Variants in AGTPBP1 observed in about 807,000 individuals in gnomAD.
AGTPBP1 encodes ATP/GTP binding carboxypeptidase 1.
AGTPBP1 carries 70 observed loss-of-function variants against 143.9 expected under a neutral mutation model. The observed-to-expected ratio is 0.49, with a 90% CI of 0.40 to 0.59. AGTPBP1 has a LOEUF of 0.59. Among genes scored for constraint, AGTPBP1 ranks in the 20% least tolerant of loss-of-function variants. The pLI is 0.00. For synonymous variants in AGTPBP1, 463 were observed against 500.2 expected, an observed-to-expected ratio of 0.93 and a Z score of 0.99; for missense variants, 1,229 against 1,464.5, an observed-to-expected ratio of 0.84 and a Z score of 2.62.
At chr9:85,801,667 G>A in the AGTPBP1 span, among the ~76,000 whole-genome samples, 2 of 152,124 alleles carry the variant, frequency 1.3e-5, no homozygotes, top group Non-Finnish European at 2.9e-5. Context: ...AGTTACCATC[G>A]TAATTTGAGA....
the AGTPBP1 span, among the ~76,000 whole-genome samples, chr9:85,790,123 A>G: frequency 6.6e-6 from 1 of 152,200 alleles, no homozygotes; most frequent in African/African-American, 2.4e-5. Flanking sequence ...CTTGATTAAC[A>G]CTGATAATAT....
rs140994776 is a variant in AGTPBP1 at position 85,676,506 on chromosome 9, T to C, written c.436+930A>G. The stretch of plus-strand genomic sequence containing the variant: ...AAATCAAAATCATAATGAGATACCA[T>C]CTCATCCCAGTTAAAACAGCTGTTA... On this transcript the variant is annotated intron_variant, in intron 6 of 25. Transcript: ENST00000357081. Among the ~76,000 whole-genome samples the C allele has an allele frequency of 1.1e-4, 16 of 151,680 alleles. No homozygotes were observed. The East Asian group carries it at 2.9e-3, about 28-fold the overall frequency.
chr9:85,603,356 G>A (rs1300980731), intron 17 of AGTPBP1, among the ~76,000 whole-genome samples: 1 of 152,304 alleles, frequency 6.6e-6, no homozygotes, highest in East Asian at 1.9e-4. Flanking sequence ...GCAGAGTCCT[G>A]AGGCCACCAT....
chr9:85,649,985 T>C (rs1388059468), intron 11 of AGTPBP1, among the ~76,000 whole-genome samples: 1 of 151,914 alleles, frequency 6.6e-6, no homozygotes, highest in African/African-American at 2.4e-5. Flanking sequence ...CTGTAGGTTG[T>C]TTCAGATTAA....
intron 13 of AGTPBP1, 104 bp from the exon 14 acceptor site, chr9:85,633,478 T>A (rs569068940): frequency 2.3e-6 from 2 of 875,644 alleles, no homozygotes; most frequent in African/African-American, 3.5e-5. Flanking sequence ...TTTTTGGAAA[T>A]TTTAAAGATG....
At chr9:85,767,180 C>CTTTTTT in the AGTPBP1 span, among the ~76,000 whole-genome samples, 24 of 116,428 alleles carry the variant, frequency 2.1e-4, no homozygotes, top group Middle Eastern at 5.3e-3. Flanking sequence ...TGAGAACATA[C>CTTTTTT]TTTTTTTTTT....
intron 8 of AGTPBP1, among the ~76,000 whole-genome samples, chr9:85,663,634 T>C (rs994370377): frequency 4.7e-5 from 7 of 148,604 alleles, no homozygotes; most frequent in African/African-American, 1.7e-4. Context: ...AAAAAAACAA[T>C]TGAAACAGAC....
the AGTPBP1 span, among the ~76,000 whole-genome samples, chr9:85,763,626 T>A: frequency 6.5e-4 from 99 of 151,818 alleles, no homozygotes; most frequent in Middle Eastern, 3.4e-3. Flanking sequence ...ATTGGGAGAA[T>A]GGAGGAGGAT....
At chr9:85,568,356 A>G (rs763262303) in intron 25 of AGTPBP1, among the ~76,000 whole-genome samples, 1 of 152,224 alleles carries the variant, frequency 6.6e-6, no homozygotes, top group Non-Finnish European at 1.5e-5. Context: ...CAGTACAGAA[A>G]AAGTTGTAAA....
At chr9:85,624,280 G>A (rs959025176) in intron 14 of AGTPBP1, among the ~76,000 whole-genome samples, 2 of 151,990 alleles carry the variant, frequency 1.3e-5, no homozygotes, top group African/African-American at 2.4e-5. Context: ...ACATATATAC[G>A]ATCAACAGGA....
intron 17 of AGTPBP1, among the ~76,000 whole-genome samples, chr9:85,599,111 ACACAC>A (rs1271590230): frequency 8.9e-5 from 1 of 11,230 alleles, no homozygotes; most frequent in Non-Finnish European, 1.6e-4. Flanking sequence ...TTGTCACTGA[ACACAC>A]ACACACACAC....
the AGTPBP1 span, among the ~76,000 whole-genome samples, chr9:85,747,351 T>G: frequency 6.6e-6 from 1 of 152,202 alleles, no homozygotes; most frequent in Admixed American, 6.5e-5. Flanking sequence ...ATTTTGGCTA[T>G]TCAGGGCCCC....
At chr9:85,714,714 A>G (rs62570598) in intron 1 of AGTPBP1, among the ~76,000 whole-genome samples, 2,255 of 152,344 alleles carry the variant, frequency 0.015, 25 homozygotes, top group Middle Eastern at 0.037. Context: ...GTCATTATAT[A>G]GCATTCCTTA....
rs774290862 is a variant in AGTPBP1, at chr9:85,657,670, A to G, written c.701-27T>C. ...TTTAACAAAAGAAGATTGAGAAAGA[A>G]TATTTTTTAAATGACGAGAGTGAGT... On this transcript the variant is annotated intron_variant, in intron 9 of 25. Transcript: ENST00000357081. The G allele has an allele frequency of 3.2e-6, 5 of 1,546,148 alleles. No individual in the cohort carries two copies. In the South Asian group the frequency reaches 4.7e-5, roughly 15 times the overall value.
intron 17 of AGTPBP1, among the ~76,000 whole-genome samples, chr9:85,608,280 C>A (rs1019834316): frequency 6.6e-6 from 1 of 151,912 alleles, no homozygotes; most frequent in Non-Finnish European, 1.5e-5. Context: ...TACTTAATAT[C>A]AATGCATCTG....
At chr9:85,582,880 A>C (rs565904900) in intron 23 of AGTPBP1, among the ~76,000 whole-genome samples, 2 of 152,300 alleles carry the variant, frequency 1.3e-5, no homozygotes, top group South Asian at 2.1e-4. Flanking sequence ...AAAATGTCTT[A>C]ATCACCAGAA....
intron 1 of AGTPBP1, among the ~76,000 whole-genome samples, chr9:85,717,869 CG>C (rs776028257): frequency 2.0e-5 from 3 of 151,874 alleles, no homozygotes; most frequent in Non-Finnish European, 4.4e-5. Context: ...TGATGTTCCC[CG>C]CCCTGTGTCC....
intron 2 of AGTPBP1, among the ~76,000 whole-genome samples, chr9:85,699,630 A>G (rs1836517787): frequency 1.3e-5 from 2 of 151,798 alleles, no homozygotes; most frequent in African/African-American, 4.8e-5. Context: ...AAACATACAA[A>G]AGTTTTAGGA....
intron 8 of AGTPBP1, among the ~76,000 whole-genome samples, chr9:85,664,581 T>C (rs1362974299): frequency 1.3e-5 from 2 of 152,196 alleles, no homozygotes; most frequent in Non-Finnish European, 1.5e-5. Flanking sequence ...GATTTTATCA[T>C]GTCAACTACA....
Sources: gnomAD v4.1 joint callset for allele counts (sites outside exome capture counted in the v4.1 genomes callset) on GRCh38, gnomAD v4.1.1 for gene constraint, MANE v1.5 for transcripts, NCBI Gene and HGNC (gene_info 2026-07-23, HGNC 2026-07-21) for gene names.